The following CTTNBP2NL variants were observed in gnomAD, a reference collection of about 807,000 sequenced individuals.
The protein encoded by CTTNBP2NL is CTTNBP2 N-terminal like.
Under a neutral mutation model 32.5 loss-of-function variants are expected in CTTNBP2NL, and 16 were observed. The ratio of observed to expected loss-of-function variants is 0.49; its 90% CI spans 0.33 to 0.75. CTTNBP2NL has a LOEUF of 0.75. Among genes scored for constraint, CTTNBP2NL ranks in the 30% least tolerant of loss-of-function variants. The probability of loss-of-function intolerance (pLI) is 0.02; values close to 1 mark genes in which losing one functional copy is unlikely to be tolerated. For synonymous variants in CTTNBP2NL, 298 were observed against 289.4 expected (o/e 1.03, Z -0.30); for missense variants, 645 against 756.0 (o/e 0.85, Z 1.72).
At chr1:112,413,794 T>C (rs887940377) in intron 2 of CTTNBP2NL, among the ~76,000 whole-genome samples, 3 of 152,228 alleles carry the variant, frequency 2.0e-5, no homozygotes, top group Non-Finnish European at 1.5e-5. Flanking sequence ...ACACCTTTAA[T>C]CTCAGCACTT....
At chr1:112,439,755 G>A (rs377603463) in intron 3 of CTTNBP2NL, among the ~76,000 whole-genome samples, 9 of 152,222 alleles carry the variant, frequency 5.9e-5, no homozygotes, top group East Asian at 1.9e-4. Flanking sequence ...CCCCCTACCC[G>A]AACCCTGCCA....
intron 1 of CTTNBP2NL, among the ~76,000 whole-genome samples, chr1:112,405,326 C>G (rs1010018881): frequency 6.6e-6 from 1 of 152,122 alleles, no homozygotes; most frequent in African/African-American, 2.4e-5. Context: ...GAGATAGAGT[C>G]TTGCTCTGTC....
upstream of CTTNBP2NL, among the ~76,000 whole-genome samples, chr1:112,393,863 G>C (rs749729465): frequency 3.9e-5 from 6 of 152,156 alleles, no homozygotes; most frequent in Admixed American, 6.6e-5. Flanking sequence ...GTCAGCCAGG[G>C]AAAAGAATGG....
rs1650465262 is a variant in CTTNBP2NL, at chr1:112,459,011, A to G, written c.*1599A>G. The G allele has an allele frequency of 6.6e-6, 1 of 152,348 alleles. No homozygotes were observed. Among genetic ancestry groups the G allele is most frequent in the African/African-American group, 2.4e-5 (1 of 41,582 alleles). 9.4% of individuals were successfully genotyped at this position (152,348 alleles called of 1,614,324 possible). ...TGCTTGCTGCGGTGCAAGAATGCTA[A>G]ACCAGGATTACCAGTTCTTCACATT... On this transcript the variant is annotated 3_prime_UTR_variant, in exon 6 of 6. Transcript: ENST00000271277.
At chr1:112,425,868 ATCAG>A (rs1251912615) in intron 3 of CTTNBP2NL, among the ~76,000 whole-genome samples, 1 of 151,690 alleles carries the variant, frequency 6.6e-6, no homozygotes, top group Non-Finnish European at 1.5e-5. Context: ...GGCTCAATCA[ATCAG>A]TCAGTCGTTT....
In CTTNBP2NL at chr1:112,457,326, G is replaced by A. The variant is rs374922017; in HGVS notation, c.1834G>A (p.Ala612Thr). Residue 612 changes from alanine (A) to threonine (T), a missense_variant, in exon 6 of 6, where the codon GCA (alanine) becomes ACA (threonine). Ala to Thr is a moderately conservative substitution (Grantham distance 58). Transcript: ENST00000271277. ...THSQAASLTT[A>T]EDLASSCSSN... is the part of the protein sequence containing the mutation. ...TTCCCAGGCAGCCTCTTTGACCACT[G>A]CAGAAGACCTTGCCAGCAGCTGCTC... is the stretch of plus-strand genomic sequence containing the variant. 6 of 1,614,042 alleles carry A rather than the reference G, an allele frequency of 3.7e-6. No individual in the cohort carries two copies. The highest frequency in any genetic ancestry group is 5.1e-6 in the Non-Finnish European group (6 of 1,180,020).
intron 3 of CTTNBP2NL, among the ~76,000 whole-genome samples, chr1:112,419,169 A>G (rs1023908967): frequency 1.3e-5 from 2 of 152,192 alleles, no homozygotes; most frequent in African/African-American, 2.4e-5. Context: ...GTGTTTGGCC[A>G]AATGCTGTTG....
At chr1:112,455,634 C>A (rs1449771907) in intron 5 of CTTNBP2NL, among the ~76,000 whole-genome samples, 1 of 152,214 alleles carries the variant, frequency 6.6e-6, no homozygotes, top group Non-Finnish European at 1.5e-5. Flanking sequence ...ATACAGCTTT[C>A]TGTTATCTTG....
chr1:112,456,661 G>T lies in CTTNBP2NL; in HGVS notation c.1169G>T (p.Gly390Val). The T allele has an allele frequency of 6.2e-7, 1 of 1,614,166 alleles. No individual in the cohort carries two copies. Among genetic ancestry groups the T allele is most frequent in the South Asian group, 1.1e-5 (1 of 91,076 alleles). ...ALAQEKPVENGGCPVGIETPV... is the reference protein window; with the variant it reads ...ALAQEKPVENVGCPVGIETPV... The stretch of plus-strand genomic sequence containing the variant: ...GCCCAAGAGAAACCAGTGGAGAATG[G>T]TGGGTGTCCTGTGGGGATTGAGACT... The change falls in exon 6 of 6, where the codon GGT becomes GTT. Residue 390 changes from glycine to valine, a missense_variant. Physicochemically the swap from Gly to Val is moderately radical, Grantham distance 109. Transcript: ENST00000271277.
intron 3 of CTTNBP2NL, among the ~76,000 whole-genome samples, chr1:112,426,001 G>GTGTGTGTC (rs1553224983): frequency 1.4e-5 from 1 of 72,576 alleles, no homozygotes; most frequent in African/African-American, 3.4e-5. Flanking sequence ...GTGTGTGTGT[G>GTGTGTGTC]TGTCTGTCTG....
chr1:112,433,606 CATAATA>C (rs1479832910), intron 3 of CTTNBP2NL, among the ~76,000 whole-genome samples: 1 of 152,128 alleles, frequency 6.6e-6, no homozygotes, highest in Non-Finnish European at 1.5e-5. Context: ...AACAAACCAA[CATAATA>C]ATAATAAAAT....
intron 3 of CTTNBP2NL, among the ~76,000 whole-genome samples, chr1:112,419,308 C>G (rs186996630): frequency 2.0e-5 from 3 of 152,018 alleles, no homozygotes; most frequent in Admixed American, 1.3e-4. Context: ...GTTTTTTCAG[C>G]CACAAAGGGT....
chr1:112,456,909 G>A lies in CTTNBP2NL; in HGVS notation c.1417G>A (p.Asp473Asn), dbSNP rs1650384466. The A allele has an allele frequency of 6.2e-7, 1 of 1,614,020 alleles. No homozygotes were observed. Among genetic ancestry groups the A allele is most frequent in the Non-Finnish European group, 8.5e-7 (1 of 1,180,016 alleles). Residue 473 changes from aspartate (D) to asparagine (N), a missense_variant, in exon 6 of 6, where the codon GAC becomes AAC. By Grantham distance (23) the Asp-to-Asn change is conservative. Transcript: ENST00000271277. ...RHKFQSQADQ[D>N]QQASGLQSPP... The stretch of plus-strand genomic sequence containing the variant: ...CAAATTTCAGTCCCAAGCAGATCAG[G>A]ACCAACAAGCCAGTGGCCTACAGAG...
At chr1:112,407,351 T>C (rs1174908411) in intron 1 of CTTNBP2NL, among the ~76,000 whole-genome samples, 5 of 152,196 alleles carry the variant, frequency 3.3e-5, no homozygotes, top group Non-Finnish European at 7.3e-5. Context: ...ATTTATTTTT[T>C]CACAATTCTG....
intron 3 of CTTNBP2NL, among the ~76,000 whole-genome samples, chr1:112,430,546 CTTTTTTTTT>C (rs552996822): frequency 1.1e-4 from 9 of 80,490 alleles, no homozygotes; most frequent in Non-Finnish European, 8.8e-5. Context: ...CCATAGCTAG[CTTTTTTTTT>C]TTTTTTTTTT....
Position 112,457,289 on chromosome 1 carries a change from G to A in CTTNBP2NL, c.1797G>A (p.Leu599=). 1.2e-6 allele frequency: 2 copies of A among 1,614,112 alleles called. No homozygotes were observed. The highest frequency in any genetic ancestry group is 8.5e-7 in the Non-Finnish European group (1 of 1,180,028). Reference sequence around the variant, plus strand: ...CTTCTCCATCTGCTACCACTCCATTGACCAAAACTCATTCCCAGGCAGCCT... The same window carrying A: ...CTTCTCCATCTGCTACCACTCCATTAACCAAAACTCATTCCCAGGCAGCCT... The part of the protein sequence containing the change: ...LTPSPSATTP[L]TKTHSQAASL... Residue 599 remains leucine, a synonymous_variant, in exon 6 of 6, where the codon TTG becomes TTA. Coordinates refer to ENST00000271277, the MANE Select transcript of CTTNBP2NL (RefSeq NM_018704.3).
chr1:112,426,729 C>T (rs1649415402), intron 3 of CTTNBP2NL, among the ~76,000 whole-genome samples: 2 of 151,506 alleles, frequency 1.3e-5, no homozygotes, highest in Non-Finnish European at 2.9e-5. Context: ...GCCTCAGCCT[C>T]CTGAGTAACT....
chr1:112,416,036 C>T, intron 2 of CTTNBP2NL, 121 bp from the exon 3 acceptor site: 1 of 629,414 alleles, frequency 1.6e-6, no homozygotes, highest in Middle Eastern at 4.1e-4. Context: ...TTAATTTCAA[C>T]TATTTCCTTT....
At chr1:112,402,478 G>A (rs1258167825) in intron 1 of CTTNBP2NL, among the ~76,000 whole-genome samples, 1 of 152,152 alleles carries the variant, frequency 6.6e-6, no homozygotes, top group Admixed American at 6.5e-5. Context: ...GGGATAAATT[G>A]TTTTAACACG....
Sources: allele counts gnomAD v4.1 joint callset (sites outside exome capture counted in the v4.1 genomes callset), GRCh38; gene constraint gnomAD v4.1.1; transcripts MANE v1.5; gene names NCBI Gene and HGNC (gene_info 2026-07-23, HGNC 2026-07-21).